The following AGAP1 variants were observed in gnomAD, a reference collection of about 807,000 sequenced individuals.
AGAP1 encodes arf-GAP with GTPase, ANK repeat and PH domain-containing protein 1.
AGAP1 carries 29 observed loss-of-function variants against 105.3 expected under a neutral mutation model. The ratio of observed to expected loss-of-function variants is 0.28; its 90% confidence interval spans 0.21 to 0.38. The LOEUF (loss-of-function observed/expected upper bound fraction) is 0.38, where lower values mean the gene tolerates loss of function less well. Ranked by LOEUF, AGAP1 falls within the 10% of genes least tolerant of loss-of-function variation. AGAP1 has a pLI of 1.00. For synonymous variants in AGAP1, 509 were observed against 485.9 expected (o/e 1.05, Z -0.63); for missense variants, 998 against 1,165.1 (o/e 0.86, Z 2.09).
intron 13 of AGAP1, among the ~76,000 whole-genome samples, chr2:236,016,863 G>C (rs754868409): frequency 3.9e-5 from 6 of 152,090 alleles, no homozygotes; most frequent in Non-Finnish European, 8.8e-5. Context: ...GTTATAGTAA[G>C]TTTCTGTTTG....
intron 1 of AGAP1, among the ~76,000 whole-genome samples, chr2:235,571,289 A>G (rs917989388): frequency 2.0e-5 from 3 of 152,192 alleles, no homozygotes; most frequent in African/African-American, 4.8e-5. Context: ...TTCACACCAT[A>G]TCAGTGTCTT....
rs2059583701 is a variant in AGAP1 at position 236,109,224 on chromosome 2, C to T, written c.2115-10968C>T. Among the ~76,000 whole-genome samples the T allele has an allele frequency of 6.6e-6, 1 of 152,170 alleles. No homozygotes were observed. Among genetic ancestry groups the T allele is most frequent in the African/African-American group, 2.4e-5 (1 of 41,440 alleles). On this transcript the variant is annotated intron_variant, in intron 16 of 17. Coordinates refer to ENST00000304032, the MANE Select transcript of AGAP1 (RefSeq NM_001037131.3). This position sits in a 1 kb window ranked among gnomAD's most constrained non-coding sequence, Gnocchi z 5.4. ...ATTTGCCAGTGCATAGATGACAGTG[C>T]CACCAGCAGTGACCAAGCTCACCTC...
chr2:235,923,961 C>T (rs1469320471), intron 11 of AGAP1, among the ~76,000 whole-genome samples: 1 of 151,378 alleles, frequency 6.6e-6, no homozygotes, highest in African/African-American at 2.4e-5. Flanking sequence ...TGTAGGTTGT[C>T]CTGGGACAGC....
Position 236,050,511 on chromosome 2 carries a change from A to G in AGAP1, c.2114+1230A>G, listed in dbSNP as rs1269046312. 6.6e-6 allele frequency among the ~76,000 whole-genome samples: 1 copy of G among 152,222 alleles called. No individual in the cohort carries two copies. The highest frequency in any genetic ancestry group is 1.5e-5 in the Non-Finnish European group (1 of 68,040). On this transcript the variant is annotated intron_variant, in intron 16 of 17. Transcript: ENST00000304032. The surrounding 1 kb of genome is among the most constrained non-coding windows in gnomAD (Gnocchi z 4.0). Reference sequence around the variant, plus strand: ...GAAGAAATTATGCACTTTAAAAAGTATTTATCTTGATTTGTTTAATGCTAC... The same window carrying G: ...GAAGAAATTATGCACTTTAAAAAGTGTTTATCTTGATTTGTTTAATGCTAC...
intron 1 of AGAP1, among the ~76,000 whole-genome samples, chr2:235,686,712 A>G (rs1178820183): frequency 6.5e-5 from 9 of 138,614 alleles, no homozygotes; most frequent in Non-Finnish European, 1.4e-4. Context: ...CCCAGGATGG[A>G]GCGCAGTGGC....
In AGAP1 at chr2:235,720,717, G is replaced by A. The variant is rs1002787237; in HGVS notation, c.310+3073G>A. On this transcript the variant is annotated intron_variant, in intron 3 of 17. Coordinates refer to ENST00000304032, the MANE Select transcript of AGAP1 (RefSeq NM_001037131.3). This position sits in a 1 kb window ranked among gnomAD's most constrained non-coding sequence, Gnocchi z 5.0. ...TGTTCTTCTGATTTAATTAGTGCGT[G>A]AGTATCCTTTATGTCATAATCCTGA... The A allele has an allele frequency of 1.0e-6, 1 of 985,002 alleles. No homozygotes were observed. The highest frequency in any genetic ancestry group is 5.2e-4 in the Middle Eastern group (1 of 1,936). 61.0% of individuals were successfully genotyped at this position (985,002 alleles called of 1,614,324 possible).
In AGAP1 at chr2:236,073,001, C is replaced by CTT. The variant is rs60857911; in HGVS notation, c.2114+23732_2114+23733dup. On this transcript the variant is annotated intron_variant, in intron 16 of 17. Transcript: ENST00000304032. This position sits in a 1 kb window ranked among gnomAD's most constrained non-coding sequence, Gnocchi z 5.4. ...AAAGCATTCAGGAGATATTTATATTCTTTTTTTTTTTTTCCTAGACAGTCT... is the reference window on the plus strand; with the variant it reads ...AAAGCATTCAGGAGATATTTATATTCTTTTTTTTTTTTTTTCCTAGACAGTCT... Among the ~76,000 whole-genome samples, 18 of 145,934 alleles carry CTT rather than the reference C, an allele frequency of 1.2e-4. No individual in the cohort carries two copies. Among genetic ancestry groups the CTT allele is most frequent in the African/African-American group, 4.5e-4 (18 of 40,194 alleles).
intron 6 of AGAP1, among the ~76,000 whole-genome samples, chr2:235,771,051 A>G (rs1053522309): frequency 6.6e-6 from 1 of 152,172 alleles, no homozygotes; most frequent in Admixed American, 6.5e-5. Context: ...TGGGACTAAC[A>G]TGGCCCAGGA....
At chr2:235,775,455 T>A (rs1294231302) in intron 6 of AGAP1, among the ~76,000 whole-genome samples, 1 of 152,196 alleles carries the variant, frequency 6.6e-6, no homozygotes, top group African/African-American at 2.4e-5. Context: ...TAGAAAGCTT[T>A]TTAAACAACA....
In AGAP1 at chr2:235,962,373, G is replaced by A. The variant is rs2054229050; in HGVS notation, c.1484-6089G>A. Among the ~76,000 whole-genome samples the A allele has an allele frequency of 6.6e-6, 1 of 152,134 alleles. No individual in the cohort carries two copies. Among genetic ancestry groups the A allele is most frequent in the Non-Finnish European group, 1.5e-5 (1 of 68,036 alleles). Reference sequence around the variant, plus strand: ...GCTTCCTACTCAGGAGAGATGGTGGGAGAAGGGAAACTTACAAGGGTGAGT... The same window carrying A: ...GCTTCCTACTCAGGAGAGATGGTGGAAGAAGGGAAACTTACAAGGGTGAGT... On this transcript the variant is annotated intron_variant, in intron 12 of 17. Coordinates refer to ENST00000304032, the MANE Select transcript of AGAP1 (RefSeq NM_001037131.3). The surrounding 1 kb of genome is among the most constrained non-coding windows in gnomAD (Gnocchi z 5.3).
chr2:236,116,058 G>A (rs1359296557), intron 16 of AGAP1, among the ~76,000 whole-genome samples: 4 of 152,018 alleles, frequency 2.6e-5, no homozygotes, highest in Non-Finnish European at 4.4e-5. Context: ...GCCCAGCCTC[G>A]GCCTCCCGGA....
rs1280608589 is a variant in AGAP1 at position 235,549,537 on chromosome 2, C to A, written c.163+54688C>A. 1.3e-5 allele frequency among the ~76,000 whole-genome samples: 2 copies of A among 152,196 alleles called. No homozygotes were observed. Among genetic ancestry groups the A allele is most frequent in the African/African-American group, 2.4e-5 (1 of 41,450 alleles). On this transcript the variant is annotated intron_variant, in intron 1 of 17. Transcript: ENST00000304032. The surrounding 1 kb of genome is among the most constrained non-coding windows in gnomAD (Gnocchi z 4.2). Reference sequence around the variant, plus strand: ...TCTAGATGGTGTTGGCAGCCTTTTTCACGTACAGAGTTGCATTGCTCCTCC... The same window carrying A: ...TCTAGATGGTGTTGGCAGCCTTTTTAACGTACAGAGTTGCATTGCTCCTCC...
intron 1 of AGAP1, chr2:235,670,495 C>T: frequency 2.0e-6 from 1 of 506,624 alleles, no homozygotes; most frequent in Non-Finnish European, 3.5e-6. Flanking sequence ...AGGGACGCGG[C>T]TCGCCCGCGT....
Position 235,673,917 on chromosome 2 carries a change from AT to A in AGAP1, c.164-35259del, listed in dbSNP as rs561944681. Among the ~76,000 whole-genome samples, 424 of 152,362 alleles carry A rather than the reference AT, an allele frequency of 2.8e-3. 2 individuals carry two copies. Among genetic ancestry groups the A allele is most frequent in the African/African-American group, 9.5e-3 (397 of 41,582 alleles). On this transcript the variant is annotated intron_variant, in intron 1 of 17. Coordinates refer to ENST00000304032, the MANE Select transcript of AGAP1 (RefSeq NM_001037131.3). ...GACTAAGTAATTATTGCATTAGTCT[AT>A]TTGGCTTAGAGTTAATTGCTTAGGC...
rs78929534 is a variant in AGAP1, at chr2:235,927,180, C to T, written c.1325-3585C>T. Among the ~76,000 whole-genome samples the T allele has an allele frequency of 0.016, 2,360 of 152,234 alleles. 63 individuals carry two copies. The highest frequency in any genetic ancestry group is 0.053 in the African/African-American group (2,217 of 41,528). On this transcript the variant is annotated intron_variant, in intron 11 of 17. Coordinates refer to ENST00000304032, the MANE Select transcript of AGAP1 (RefSeq NM_001037131.3). This position sits in a 1 kb window ranked among gnomAD's most constrained non-coding sequence, Gnocchi z 4.4. ...TGTGGCTGGGGCTGGGGGGCCTTCA[C>T]GAGCTATAGGGCTCTAAGAGTCTGC...
Position 235,586,087 on chromosome 2 carries a change from A to G in AGAP1, c.163+91238A>G, listed in dbSNP as rs55655030. Among the ~76,000 whole-genome samples the G allele has an allele frequency of 0.085, 12,861 of 152,146 alleles. 760 individuals are homozygous for G. Among genetic ancestry groups the G allele is most frequent in the Non-Finnish European group, 0.13 (8,872 of 67,976 alleles). ...GAGCTTCATGAGCGAGTCAAATGCA[A>G]GTTGGGGAAGTGGCTGAAAAAAATG... On this transcript the variant is annotated intron_variant, in intron 1 of 17. Transcript: ENST00000304032. This position sits in a 1 kb window ranked among gnomAD's most constrained non-coding sequence, Gnocchi z 4.2.
At chr2:236,111,525 G>A (rs1355508591) in intron 16 of AGAP1, among the ~76,000 whole-genome samples, 2 of 151,720 alleles carry the variant, frequency 1.3e-5, no homozygotes, top group Non-Finnish European at 2.9e-5. Flanking sequence ...AGAAGACTGG[G>A]CACTGTGTCT....
At chr2:235,892,774 T>C (rs2050606351) in intron 10 of AGAP1, among the ~76,000 whole-genome samples, 2 of 152,214 alleles carry the variant, frequency 1.3e-5, no homozygotes, top group African/African-American at 2.4e-5. Flanking sequence ...CTCAGACTTC[T>C]TGAGGTCGTG....
At chr2:236,108,558 CTG>C (rs2059560769) in intron 16 of AGAP1, among the ~76,000 whole-genome samples, 1 of 152,302 alleles carries the variant, frequency 6.6e-6, no homozygotes, top group Middle Eastern at 3.4e-3. Flanking sequence ...AAAGGAAAGA[CTG>C]TGACAAGTGG....
Sources: gnomAD v4.1 joint callset for allele counts (sites outside exome capture counted in the v4.1 genomes callset) on GRCh38, gnomAD v4.1.1 for gene constraint, Gnocchi (gnomAD v3.1) non-coding constraint, MANE v1.5 for transcripts, NCBI Gene and HGNC (gene_info 2026-07-23, HGNC 2026-07-21) for gene names.